Variants in EFCAB6 observed in about 807,000 individuals in gnomAD.
The protein encoded by EFCAB6 is EF-hand calcium-binding domain-containing protein 6.
In EFCAB6, 156 loss-of-function variants were observed where a neutral mutation model predicts 169.8. The ratio of observed to expected loss-of-function variants is 0.92; its 90% CI spans 0.81 to 1.05. EFCAB6 has a LOEUF of 1.05. EFCAB6 is among the 50% of genes least tolerant of loss of function. EFCAB6 has a pLI of 0.00. For synonymous variants in EFCAB6, 698 were observed against 676.4 expected, an observed-to-expected ratio of 1.03 and a Z score of -0.50; for missense variants, 1,800 against 1,829.1, an observed-to-expected ratio of 0.98 and a Z score of 0.29.
intron 23 of EFCAB6, among the ~76,000 whole-genome samples, chr22:43,592,138 C>G (rs1045789895): frequency 1.3e-5 from 2 of 152,150 alleles, no homozygotes; most frequent in Non-Finnish European, 1.5e-5. Context: ...CGTCAGGACT[C>G]TGGGAGAGGT....
chr22:43,702,249 T>G (rs750756860), intron 10 of EFCAB6, among the ~76,000 whole-genome samples: 2 of 152,234 alleles, frequency 1.3e-5, no homozygotes, highest in Non-Finnish European at 2.9e-5. Flanking sequence ...AATTTGGCAG[T>G]CCTTATAAAA....
At chr22:43,669,751 A>G (rs2057407687) in intron 15 of EFCAB6, among the ~76,000 whole-genome samples, 1 of 152,244 alleles carries the variant, frequency 6.6e-6, no homozygotes, top group African/African-American at 2.4e-5. Context: ...ATGCAGATAC[A>G]GTAAATGTAA....
chr22:43,774,193 A>G (rs979163893), intron 3 of EFCAB6, among the ~76,000 whole-genome samples: 1 of 151,854 alleles, frequency 6.6e-6, no homozygotes, highest in African/African-American at 2.4e-5. Flanking sequence ...TTTCTGGCAT[A>G]AGGACAGTGA....
chr22:43,602,671 G>C (rs902114496), intron 22 of EFCAB6, among the ~76,000 whole-genome samples: 1 of 152,032 alleles, frequency 6.6e-6, no homozygotes, highest in Admixed American at 6.6e-5. Flanking sequence ...TGACAGGAGG[G>C]TTCCTAACAG....
At chr22:43,759,688 TCAGA>T (rs1195836278) in intron 5 of EFCAB6, 1 of 152,192 alleles carries the variant, frequency 6.6e-6, no homozygotes, top group Admixed American at 6.5e-5. Context: ...TCTCATATAC[TCAGA>T]GACAGAGACT....
chr22:43,694,924 C>T (rs972635996), intron 10 of EFCAB6, among the ~76,000 whole-genome samples: 3 of 152,022 alleles, frequency 2.0e-5, no homozygotes, highest in African/African-American at 7.2e-5. Flanking sequence ...TGTCTAATAT[C>T]ACCATTTCTG....
rs1158442479 is a variant in EFCAB6 at position 43,649,131 on chromosome 22, A to G, written c.1984-13915T>C. Among the ~76,000 whole-genome samples the G allele has an allele frequency of 3.9e-5, 6 of 152,210 alleles. No individual in the cohort carries two copies. In the East Asian group the frequency reaches 1.2e-3, roughly 29 times the overall value. On this transcript the variant is annotated intron_variant, in intron 17 of 31. Transcript: ENST00000262726. Reference sequence around the variant, plus strand: ...GGGGGAAAAAAGTCCCCGGGCTGAGAACCCAGAAGGTGAGGGAGGAACTGG... The same window carrying G: ...GGGGGAAAAAAGTCCCCGGGCTGAGGACCCAGAAGGTGAGGGAGGAACTGG...
chr22:43,601,115 T>C (rs1486142765), intron 22 of EFCAB6, among the ~76,000 whole-genome samples: 1 of 152,228 alleles, frequency 6.6e-6, no homozygotes, highest in Non-Finnish European at 1.5e-5. Context: ...ATTTCCTCTT[T>C]GAAGAGATGC....
intron 9 of EFCAB6, among the ~76,000 whole-genome samples, chr22:43,713,250 G>GT (rs1249903238): frequency 1.3e-5 from 2 of 152,088 alleles, no homozygotes; most frequent in Admixed American, 6.5e-5. Flanking sequence ...AGCAGAGATC[G>GT]TATCTGTTTT....
chr22:43,670,515 T>C (rs1332776807), intron 15 of EFCAB6, among the ~76,000 whole-genome samples: 2 of 152,236 alleles, frequency 1.3e-5, no homozygotes, highest in African/African-American at 4.8e-5. Flanking sequence ...TGTGTATATG[T>C]GCTTAATAAA....
intron 10 of EFCAB6, among the ~76,000 whole-genome samples, chr22:43,705,002 G>C (rs999085499): frequency 2.0e-5 from 3 of 151,974 alleles, no homozygotes; most frequent in Non-Finnish European, 4.4e-5. Context: ...TCACTTTTAA[G>C]GACATACATA....
In EFCAB6 at chr22:43,687,454, T is replaced by TTG. The variant is rs746111532; in HGVS notation, c.1142+16_1142+17insCA. 2.9e-4 allele frequency: 405 copies of TTG among 1,379,554 alleles called. 3 individuals are homozygous for TTG. Among genetic ancestry groups the TTG allele is most frequent in the Non-Finnish European group, 3.8e-4 (383 of 1,014,698 alleles). The allele number at this position is 1,379,554 out of a possible 1,614,324, so 85.5% of individuals were successfully genotyped here. A position where few individuals can be genotyped will look rare whatever the true frequency, so the allele number is the denominator to read the frequency against. ...TATGTGTAACTAAAATTTGTTTTTT[T>TTG]TTTTTTTTTTACATACCTATTTCTT... On this transcript the variant is annotated intron_variant, in intron 11 of 31. Coordinates refer to ENST00000262726, the MANE Select transcript of EFCAB6 (RefSeq NM_022785.4).
intron 11 of EFCAB6, 80 bp from the exon 12 acceptor site, chr22:43,683,935 C>A: frequency 4.8e-6 from 5 of 1,050,338 alleles, no homozygotes; most frequent in Non-Finnish European, 7.3e-6. Flanking sequence ...GAAACAAGCA[C>A]CCTCACCACA....
At chr22:43,683,672 T>G in intron 12 of EFCAB6, 75 bp downstream of exon 12, 3 of 1,048,592 alleles carry the variant, frequency 2.9e-6, no homozygotes. Context: ...ATGGAGTTGT[T>G]ATTGGTCTTG....
Position 43,615,840 on chromosome 22 carries a change from A to G in EFCAB6, c.2548T>C (p.Ser850Pro). Reference sequence around the variant, plus strand: ...CATTTTCTTACCTTAGACAAGTCTGACCATCTGTTTTTTGCTTTGGTAACA... The same window carrying G: ...CATTTTCTTACCTTAGACAAGTCTGGCCATCTGTTTTTTGCTTTGGTAACA... ...YLVTKAKNRW[S>P]DLSKNFLETD... Residue 850 changes from serine (S) to proline (P), a missense_variant, in exon 21 of 32, where the codon TCA becomes CCA. Transcript: ENST00000262726. The G allele has an allele frequency of 6.2e-7, 1 of 1,613,292 alleles. No individual in the cohort carries two copies. The highest frequency in any genetic ancestry group is 1.1e-5 in the South Asian group (1 of 90,974).
intron 20 of EFCAB6, among the ~76,000 whole-genome samples, chr22:43,618,198 G>GAAAGA (rs2053858209): frequency 2.0e-5 from 3 of 146,748 alleles, no homozygotes; most frequent in Non-Finnish European, 4.5e-5. Context: ...AAGAAAGAAA[G>GAAAGA]AAAGAAAGAA....
chr22:43,806,755 A>C (rs2062937697), intron 2 of EFCAB6, among the ~76,000 whole-genome samples: 1 of 152,116 alleles, frequency 6.6e-6, no homozygotes, highest in African/African-American at 2.4e-5. Context: ...CACTTCAATT[A>C]ATCTTTCAAA....
chr22:43,745,024 G>A (rs1043512767), intron 6 of EFCAB6, among the ~76,000 whole-genome samples: 1 of 152,198 alleles, frequency 6.6e-6, no homozygotes, highest in Non-Finnish European at 1.5e-5. Flanking sequence ...ATTCCTATGG[G>A]ACAAGAGAGG....
At chr22:43,559,666 G>C (rs1316711430) in intron 26 of EFCAB6, among the ~76,000 whole-genome samples, 1 of 152,172 alleles carries the variant, frequency 6.6e-6, no homozygotes, top group Admixed American at 6.5e-5. Flanking sequence ...TACACACCAC[G>C]GAATACTATG....
Sources: allele counts gnomAD v4.1 joint callset (sites outside exome capture counted in the v4.1 genomes callset), GRCh38; gene constraint gnomAD v4.1.1; transcripts MANE v1.5; gene names NCBI Gene and HGNC (gene_info 2026-07-23, HGNC 2026-07-21).